The following ANK3 variants were observed in gnomAD, a reference collection of about 807,000 sequenced individuals.
The protein encoded by ANK3 is ankyrin 3.
In ANK3, 57 loss-of-function variants were observed where a neutral mutation model predicts 370.9. That is an observed-to-expected ratio of 0.15 (90% CI 0.12 to 0.19). ANK3 has a LOEUF of 0.19. Among genes scored for constraint, ANK3 ranks in the 10% least tolerant of loss-of-function variants. The pLI is 1.00. For missense variants in ANK3, 4,439 were observed against 5,302.1 expected, an observed-to-expected ratio of 0.84 and a Z score of 5.06; for synonymous variants, 1,929 against 1,946.3, an observed-to-expected ratio of 0.99 and a Z score of 0.23.
At chr10:60,034,573 C>T (rs1270119346) in intron 43 of ANK3, among the ~76,000 whole-genome samples, 1 of 152,168 alleles carries the variant, frequency 6.6e-6, no homozygotes, top group East Asian at 1.9e-4. Context: ...CTCTGATTAT[C>T]ATCTGTGGCT....
At chr10:60,165,527 T>G (rs2132292557) in intron 23 of ANK3, among the ~76,000 whole-genome samples, 1 of 152,312 alleles carries the variant, frequency 6.6e-6, no homozygotes, top group Non-Finnish European at 1.5e-5. Flanking sequence ...CACTGGGGTG[T>G]GCAGTCCCTG....
intron 1 of ANK3, among the ~76,000 whole-genome samples, chr10:60,292,713 CTTT>C (rs55791354): frequency 4.3e-5 from 6 of 138,946 alleles, no homozygotes; most frequent in Admixed American, 7.3e-5. Context: ...GACTTTCTTT[CTTT>C]TTTTTTTTTT....
At chr10:60,637,086 T>G (rs2078565098) in intron 1 of ANK3, among the ~76,000 whole-genome samples, 1 of 152,212 alleles carries the variant, frequency 6.6e-6, no homozygotes, top group Non-Finnish European at 1.5e-5. Context: ...TGTTTCACAT[T>G]TCAGTCACCT....
intron 1 of ANK3, among the ~76,000 whole-genome samples, chr10:60,645,235 A>C (rs897246502): frequency 7.0e-4 from 107 of 152,326 alleles, no homozygotes; most frequent in African/African-American, 2.5e-3. Context: ...AACAAAACAA[A>C]ATAAAAATGT....
rs764555985 is a variant in ANK3 at position 60,074,432 on chromosome 10, T to C, written c.6449A>G (p.Lys2150Arg). Residue 2150 changes from lysine to arginine, a missense_variant, in exon 37 of 44, where the codon AAA (lysine) becomes AGA (arginine). By Grantham distance (26) the Lys-to-Arg change is conservative. Around this residue, in one of 13 missense-constraint regions of ANK3, gnomAD observed 1,601 missense variants for 1,731.7 expected, o/e 0.92. Transcript: ENST00000280772. ...GATGGGAACTTCATGAAAAAGTGGTTTAGGACCAGTGCTTTCAGCGCTTTG... is the reference window on the plus strand; with the variant it reads ...GATGGGAACTTCATGAAAAAGTGGTCTAGGACCAGTGCTTTCAGCGCTTTG... ...APQSAESTGPKPLFHEVPIPP... is the reference protein window; with the variant it reads ...APQSAESTGPRPLFHEVPIPP... The C allele has an allele frequency of 6.2e-7, 1 of 1,614,082 alleles. No individual in the cohort carries two copies. Among genetic ancestry groups the C allele is most frequent in the South Asian group, 1.1e-5 (1 of 91,056 alleles).
chr10:60,063,123 C>A lies in ANK3; in HGVS notation c.12583G>T (p.Asp4195Tyr). 1.9e-6 allele frequency: 3 copies of A among 1,611,276 alleles called. No individual in the cohort carries two copies. Among genetic ancestry groups the A allele is most frequent in the South Asian group, 2.2e-5 (2 of 90,260 alleles). Residue 4195 changes from aspartate to tyrosine, a missense_variant, in exon 40 of 44, where the codon GAC (aspartate) becomes TAC (tyrosine). Physicochemically the swap from Asp to Tyr is radical, Grantham distance 160. Transcript: ENST00000280772. Reference protein sequence around the residue: ...SFADENNVFHDPVDGWQNETS... With the variant: ...SFADENNVFHYPVDGWQNETS... ...TAAATTCGATTACCATCAACAGGGTCATGGAAAACATTGTTCTCATCTGCA... is the reference window on the plus strand; with the variant it reads ...TAAATTCGATTACCATCAACAGGGTAATGGAAAACATTGTTCTCATCTGCA...
intron 5 of ANK3, among the ~76,000 whole-genome samples, chr10:60,269,648 T>TCCCCCCCC (rs71836520): frequency 8.2e-5 from 9 of 109,918 alleles, no homozygotes; most frequent in African/African-American, 1.4e-4. Context: ...CCATCCCCCC[T>TCCCCCCCC]CCCCCCCCCC....
At chr10:60,301,337 CATAT>C (rs138651478) in intron 1 of ANK3, among the ~76,000 whole-genome samples, 3 of 146,170 alleles carry the variant, frequency 2.1e-5, no homozygotes, top group Admixed American at 1.4e-4. Flanking sequence ...TGTATATATA[CATAT>C]ATATACACAC....
At chr10:60,044,782 C>T (rs1484008181) in intron 42 of ANK3, 1 of 152,004 alleles carries the variant, frequency 6.6e-6, no homozygotes, top group Non-Finnish European at 1.5e-5. Context: ...AAGATAGTAC[C>T]TTAGTTTGGG....
At chr10:60,078,563 G>A (rs552041578) in intron 36 of ANK3, among the ~76,000 whole-genome samples, 1 of 152,142 alleles carries the variant, frequency 6.6e-6, no homozygotes, top group Admixed American at 6.5e-5. Context: ...CCACGTCTAT[G>A]GTTTTATACT....
chr10:60,355,427 T>C (rs1273239915), intron 1 of ANK3, among the ~76,000 whole-genome samples: 1 of 152,184 alleles, frequency 6.6e-6, no homozygotes, highest in East Asian at 1.9e-4. Context: ...CTCGGGATCC[T>C]TTAGTGGCAC....
intron 23 of ANK3, among the ~76,000 whole-genome samples, chr10:60,159,658 T>A (rs758644280): frequency 2.0e-5 from 3 of 152,026 alleles, no homozygotes; most frequent in Non-Finnish European, 2.9e-5. Context: ...ATAGACCACA[T>A]GTTAGACTAC....
chr10:60,298,724 G>C (rs2043055384), intron 1 of ANK3, among the ~76,000 whole-genome samples: 1 of 152,140 alleles, frequency 6.6e-6, no homozygotes, highest in Non-Finnish European at 1.5e-5. Context: ...GCAGAAACAA[G>C]ATGGTCTACT....
intron 2 of ANK3, among the ~76,000 whole-genome samples, chr10:60,523,704 G>T (rs866222412): frequency 6.6e-6 from 1 of 151,880 alleles, no homozygotes; most frequent in Non-Finnish European, 1.5e-5. Context: ...ATAAACATAC[G>T]TGTGCATGTG....
intron 1 of ANK3, among the ~76,000 whole-genome samples, chr10:60,300,792 T>C (rs2043529643): frequency 6.6e-6 from 1 of 152,144 alleles, no homozygotes; most frequent in African/African-American, 2.4e-5. Context: ...ATACCACCAT[T>C]TTCTCCTCTG....
intron 2 of ANK3, among the ~76,000 whole-genome samples, chr10:60,424,851 A>G (rs969269527): frequency 2.0e-5 from 3 of 152,072 alleles, no homozygotes; most frequent in Non-Finnish European, 4.4e-5. Context: ...ATGAGATGCT[A>G]ACAATGGTAA....
rs527376861 is a variant in ANK3, at chr10:60,236,864, G to A, written c.799-2078C>T. On this transcript the variant is annotated intron_variant, in intron 7 of 43. Transcript: ENST00000280772. ...ATGGCAAATATATTCTGCTTTGCAGGCCATACAGTCTCTTGCATCTACTGA... is the reference window on the plus strand; with the variant it reads ...ATGGCAAATATATTCTGCTTTGCAGACCATACAGTCTCTTGCATCTACTGA... 7.9e-5 allele frequency among the ~76,000 whole-genome samples: 12 copies of A among 152,326 alleles called. No homozygotes were observed. In the South Asian group the frequency reaches 1.7e-3, roughly 21 times the overall value.
At position 60,469,004 on chromosome 10, in the gene ANK3, T is replaced by TATATATATAC. The variant is rs1555377064; in HGVS notation, c.96+146181_96+146182insGTATATATAT. On this transcript the variant is annotated intron_variant, in intron 2 of 43. Coordinates refer to the ANK3 transcript ENST00000373827. ...ATATACCACTTTTAGTGTGTATATA[T>TATATATATAC]ATATATATATATATACCACTTTTAG... Among the ~76,000 whole-genome samples the TATATATATAC allele has an allele frequency of 1.9e-4, 11 of 56,654 alleles. 2 individuals are homozygous for TATATATATAC. Among genetic ancestry groups the TATATATATAC allele is most frequent in the African/African-American group, 6.5e-4 (11 of 16,936 alleles). 37.2% of individuals were successfully genotyped at this position (56,654 alleles called of 152,430 possible). A position where few individuals can be genotyped will look rare whatever the true frequency, so the allele number is the denominator to read the frequency against.
At chr10:60,455,155 C>A (rs1258903079) in intron 2 of ANK3, among the ~76,000 whole-genome samples, 1 of 152,066 alleles carries the variant, frequency 6.6e-6, no homozygotes, top group African/African-American at 2.4e-5. Flanking sequence ...TTACAAAATC[C>A]AATCTCACTA....
Sources: allele counts gnomAD v4.1 joint callset (sites outside exome capture counted in the v4.1 genomes callset), GRCh38; gene constraint gnomAD v4.1.1; regional missense constraint gnomAD v4.1.1; transcripts MANE v1.5; gene names NCBI Gene and HGNC (gene_info 2026-07-23, HGNC 2026-07-21).